Variants in EPHA6 observed in about 807,000 individuals in gnomAD.
EPHA6 encodes the protein EPH receptor A6.
EPHA6 carries 50 observed loss-of-function variants against 112.0 expected under a neutral mutation model. The observed-to-expected ratio is 0.45, with a 90% CI of 0.36 to 0.56. The LOEUF (loss-of-function observed/expected upper bound fraction) is 0.56, where lower values mean the gene tolerates loss of function less well. Among genes scored for constraint, EPHA6 ranks in the 20% least tolerant of loss-of-function variants. The probability of loss-of-function intolerance (pLI) is 0.00; values close to 1 mark genes in which losing one functional copy is unlikely to be tolerated. For missense variants in EPHA6, 1,280 were observed against 1,417.4 expected (o/e 0.90, Z 1.56); for synonymous variants, 529 against 490.7 (o/e 1.08, Z -1.03).
At chr3:97,002,233 G>C (rs1273845709) in intron 3 of EPHA6, among the ~76,000 whole-genome samples, 2 of 151,482 alleles carry the variant, frequency 1.3e-5, no homozygotes, top group Non-Finnish European at 2.9e-5. Flanking sequence ...ATGACCAGGA[G>C]GACTTTCCTC....
chr3:97,411,477 T>C (rs749039625), intron 6 of EPHA6, among the ~76,000 whole-genome samples: 1 of 152,158 alleles, frequency 6.6e-6, no homozygotes, highest in Non-Finnish European at 1.5e-5. Flanking sequence ...TTATAAAAGT[T>C]ATTCTATCTT....
At chr3:97,192,756 G>T (rs959722855) in intron 3 of EPHA6, among the ~76,000 whole-genome samples, 4 of 152,088 alleles carry the variant, frequency 2.6e-5, no homozygotes, top group African/African-American at 4.8e-5. Context: ...CATAGTTTCA[G>T]ATCTTAGATT....
intron 5 of EPHA6, among the ~76,000 whole-genome samples, chr3:97,316,198 G>A (rs552267653): frequency 4.8e-4 from 73 of 151,858 alleles, no homozygotes; most frequent in African/African-American, 1.7e-3. Flanking sequence ...TTCCTAGCTA[G>A]CTATTTCACT....
intron 3 of EPHA6, among the ~76,000 whole-genome samples, chr3:96,991,890 A>G (rs1173119920): frequency 6.6e-6 from 1 of 152,162 alleles, no homozygotes; most frequent in African/African-American, 2.4e-5. Flanking sequence ...AAGGCAGGGA[A>G]CACAACAGTC....
intron 5 of EPHA6, among the ~76,000 whole-genome samples, chr3:97,322,575 G>T (rs1036545795): frequency 2.6e-5 from 4 of 151,890 alleles, no homozygotes; most frequent in Non-Finnish European, 5.9e-5. Context: ...AGGAAAGAAA[G>T]CATTACAGTA....
chr3:97,634,280 G>T (rs539568404), intron 13 of EPHA6, among the ~76,000 whole-genome samples: 1 of 151,978 alleles, frequency 6.6e-6, no homozygotes, highest in Non-Finnish European at 1.5e-5. Flanking sequence ...CTGGCTTATC[G>T]TGTTCAATGA....
intron 3 of EPHA6, among the ~76,000 whole-genome samples, chr3:97,031,724 A>C (rs1207206551): frequency 3.9e-5 from 6 of 152,226 alleles, no homozygotes. Flanking sequence ...CATCAGAGAA[A>C]TGCAAATCAA....
chr3:97,187,740 AGAAAGAG>A (rs1288469110), intron 3 of EPHA6, among the ~76,000 whole-genome samples: 7 of 147,856 alleles, frequency 4.7e-5, no homozygotes, highest in African/African-American at 1.7e-4. Context: ...AAAGAAAGAA[AGAAAGAG>A]GAAAGAAAGA....
At chr3:97,633,477 T>G (rs1221874343) in intron 13 of EPHA6, among the ~76,000 whole-genome samples, 1 of 152,098 alleles carries the variant, frequency 6.6e-6, no homozygotes, top group African/African-American at 2.4e-5. Context: ...TAAATCTCAG[T>G]GCTCTCACAT....
intron 6 of EPHA6, among the ~76,000 whole-genome samples, chr3:97,410,400 T>C (rs1455611958): frequency 1.3e-5 from 2 of 152,068 alleles, no homozygotes; most frequent in Non-Finnish European, 2.9e-5. Flanking sequence ...TCTTTTGTTG[T>C]ATTTCCTTTA....
At chr3:97,296,108 C>T (rs904668276) in intron 5 of EPHA6, among the ~76,000 whole-genome samples, 4 of 152,086 alleles carry the variant, frequency 2.6e-5, no homozygotes, top group Admixed American at 6.5e-5. Context: ...GTGGCAGTAG[C>T]AGAGACAGGA....
chr3:96,877,726 T>C (rs2037057886), intron 2 of EPHA6, among the ~76,000 whole-genome samples: 1 of 150,660 alleles, frequency 6.6e-6, no homozygotes, highest in Admixed American at 6.8e-5. Flanking sequence ...AATCGATTCT[T>C]AAAATGAATT....
chr3:96,816,296 G>A (rs927340209), intron 1 of EPHA6, among the ~76,000 whole-genome samples: 13 of 152,110 alleles, frequency 8.5e-5, no homozygotes, highest in African/African-American at 3.1e-4. Flanking sequence ...AAATGTGTAG[G>A]TGAATTTGGA....
At position 97,287,438 on chromosome 3, in the gene EPHA6, G is replaced by T. The variant is rs1374318213; in HGVS notation, c.1606+43151G>T. Reference sequence around the variant, plus strand: ...CGAGATGGCGCCACTGCACTCCAGCGTGGGCAGCAGAGCAAGACTCCGTCT... The same window carrying T: ...CGAGATGGCGCCACTGCACTCCAGCTTGGGCAGCAGAGCAAGACTCCGTCT... On this transcript the variant is annotated intron_variant, in intron 5 of 17. Coordinates refer to ENST00000389672, the MANE Select transcript of EPHA6 (RefSeq NM_001080448.3). 2.0e-5 allele frequency among the ~76,000 whole-genome samples: 3 copies of T among 151,486 alleles called. No individual in the cohort carries two copies. In the East Asian group the frequency reaches 5.8e-4, roughly 29 times the overall value.
chr3:97,371,533 A>C (rs1430197243), intron 5 of EPHA6, among the ~76,000 whole-genome samples: 1 of 152,130 alleles, frequency 6.6e-6, no homozygotes, highest in Non-Finnish European at 1.5e-5. Flanking sequence ...CATCATCTTC[A>C]TAAGCTCAGG....
At chr3:97,456,825 C>G (rs1410483870) in intron 7 of EPHA6, among the ~76,000 whole-genome samples, 1 of 151,862 alleles carries the variant, frequency 6.6e-6, no homozygotes, top group African/African-American at 2.4e-5. Flanking sequence ...TTGAATTTTT[C>G]TTTCAAGCTA....
At chr3:96,961,100 G>T (rs570964082) in intron 2 of EPHA6, among the ~76,000 whole-genome samples, 1 of 152,238 alleles carries the variant, frequency 6.6e-6, no homozygotes, top group African/African-American at 2.4e-5. Flanking sequence ...AGAAGAGAGG[G>T]AAGGAAGAGC....
intron 2 of EPHA6, among the ~76,000 whole-genome samples, chr3:96,902,259 TATCTA>T (rs2038655892): frequency 6.6e-6 from 1 of 152,202 alleles, no homozygotes; most frequent in Non-Finnish European, 1.5e-5. Flanking sequence ...TCATCAGTCT[TATCTA>T]GTCAGGACAA....
At chr3:97,019,888 GTGTCGTCATT>G (rs1373494237) in intron 3 of EPHA6, among the ~76,000 whole-genome samples, 1 of 152,002 alleles carries the variant, frequency 6.6e-6, no homozygotes, top group Non-Finnish European at 1.5e-5. Context: ...TTGTATATAG[GTGTCGTCATT>G]TGAATCATTG....
Sources: gnomAD v4.1 joint callset for allele counts (sites outside exome capture counted in the v4.1 genomes callset) on GRCh38, gnomAD v4.1.1 for gene constraint, MANE v1.5 for transcripts, NCBI Gene and HGNC (gene_info 2026-07-23, HGNC 2026-07-21) for gene names.